Variants in BAD observed in about 807,000 individuals in gnomAD.
BAD encodes BCL2 associated agonist of cell death, also known as bcl2-associated agonist of cell death.
In BAD, 18 loss-of-function variants were observed where a neutral mutation model predicts 17.8. That is an observed-to-expected ratio of 1.01 (90% CI 0.70 to 1.50). The LOEUF (loss-of-function observed/expected upper bound fraction) is 1.50. Among genes scored for constraint, BAD ranks in the 40% most tolerant of loss-of-function variants. BAD has a pLI of 0.00. For missense variants in BAD, 294 were observed against 239.3 expected (o/e 1.23, Z -1.51); for synonymous variants, 112 against 91.5 (o/e 1.22, Z -1.28).
In BAD at chr11:64,284,640, G is replaced by A. The variant is rs966478908; in HGVS notation, c.-18C>T. 6.5e-7 allele frequency: 1 copy of A among 1,530,254 alleles called. No individual in the cohort carries two copies. The highest frequency in any genetic ancestry group is 2.4e-5 in the East Asian group (1 of 40,862). 94.8% of individuals were successfully genotyped at this position (1,530,254 alleles called of 1,614,324 possible). A position where few individuals can be genotyped will look rare whatever the true frequency, so the allele number is the denominator to read the frequency against. On this transcript the variant is annotated 5_prime_UTR_variant, in exon 1 of 4. Coordinates refer to ENST00000309032, the MANE Select transcript of BAD (RefSeq NM_032989.3). ...GGCGCACAGGTCTCACCCCAAGCCC[G>A]ATCTCGAGGCCCCTGACCCGGGCCT... is the stretch of plus-strand genomic sequence containing the variant.
chr11:64,276,685 G>C (rs1233660069), intron 2 of BAD: 1 of 536,268 alleles, frequency 1.9e-6, no homozygotes, highest in Non-Finnish European at 3.3e-6. Context: ...GGGAGTGTCT[G>C]TGAATTCCCT....
rs778042869 is a variant in BAD, at chr11:64,270,279, C to G, written c.437G>C (p.Ser146Thr). 1.3e-6 allele frequency: 2 copies of G among 1,589,414 alleles called. No homozygotes were observed. The highest frequency in any genetic ancestry group is 8.6e-7 in the Non-Finnish European group (1 of 1,162,860). Residue 146 changes from serine to threonine, a missense_variant, in exon 4 of 4, where the codon AGC (serine) becomes ACC (threonine). By Grantham distance (58) the Ser-to-Thr change is moderately conservative (BLOSUM62 1). Transcript: ENST00000309032. Reference sequence around the variant, plus strand: ...CCAGGACTGGAAGACTCGCGTCCAGCTGGAGCTTTGCCGCATCTGCGTTGC... The same window carrying G: ...CCAGGACTGGAAGACTCGCGTCCAGGTGGAGCTTTGCCGCATCTGCGTTGC... The part of the protein sequence containing the change: ...GTATQMRQSS[S>T]WTRVFQSWWD...
intron 3 of BAD, 30 bp downstream of exon 3, chr11:64,271,583 G>A (rs1451519387): frequency 2.1e-5 from 30 of 1,397,764 alleles, no homozygotes; most frequent in Non-Finnish European, 2.6e-5. Flanking sequence ...TGGTACTTCA[G>A]GTCCTGGCAC....
intron 3 of BAD, chr11:64,270,571 G>A (rs2032430968): frequency 1.4e-6 from 1 of 709,744 alleles, no homozygotes. Flanking sequence ...AAGAGAGGAT[G>A]CCTAGGGCCC....
chr11:64,280,358 AT>A (rs1168306795), intron 2 of BAD, among the ~76,000 whole-genome samples: 251 of 132,314 alleles, frequency 1.9e-3, no homozygotes, highest in African/African-American at 6.7e-3. Context: ...AATAATAATA[AT>A]TTTTTTTTTT....
chr11:64,273,418 G>C (rs917940978), intron 2 of BAD, among the ~76,000 whole-genome samples: 2 of 152,082 alleles, frequency 1.3e-5, no homozygotes, highest in Non-Finnish European at 2.9e-5. Flanking sequence ...TGCTTTGTAG[G>C]CTGCAAGTGC....
rs777661113 is a variant in BAD, at chr11:64,284,164, A to G, written c.187+18T>C. 1.3e-6 allele frequency: 2 copies of G among 1,555,740 alleles called. No individual in the cohort carries two copies. Among genetic ancestry groups the G allele is most frequent in the Non-Finnish European group, 1.7e-6 (2 of 1,151,156 alleles). The stretch of plus-strand genomic sequence containing the variant: ...GGGGGTGAGGTGTCCCGGCAGGTGG[A>G]GGTGGTGGGGTACTTACCTCCATGA... On this transcript the variant is annotated intron_variant, in intron 2 of 3. Transcript: ENST00000309032.
chr11:64,270,047 G>A lies in BAD; in HGVS notation c.*162C>T, dbSNP rs1251374729. Reference sequence around the variant, plus strand: ...CTTCCGATGGGACCAAGCCTTCCGTGGCTTCACACGCACCGGAAGGGAATC... The same window carrying A: ...CTTCCGATGGGACCAAGCCTTCCGTAGCTTCACACGCACCGGAAGGGAATC... On this transcript the variant is annotated 3_prime_UTR_variant, in exon 4 of 4. Coordinates refer to ENST00000309032, the MANE Select transcript of BAD (RefSeq NM_032989.3). 10 of 1,302,290 alleles carry A rather than the reference G, an allele frequency of 7.7e-6. No homozygotes were observed. In the East Asian group the frequency reaches 2.5e-4, roughly 33 times the overall value. The allele number at this position is 1,302,290 out of a possible 1,614,324, so 80.7% of individuals were successfully genotyped here.
At chr11:64,284,476 G>T in intron 1 of BAD, 100 bp from the exon 2 acceptor site, 6 of 1,590,142 alleles carry the variant, frequency 3.8e-6, no homozygotes, top group Non-Finnish European at 5.1e-6. Context: ...CCACCGTAGC[G>T]CCCCCAGGCC....
At chr11:64,275,083 C>T (rs2032960367) in intron 2 of BAD, among the ~76,000 whole-genome samples, 1 of 150,734 alleles carries the variant, frequency 6.6e-6, no homozygotes, top group Non-Finnish European at 1.5e-5. Flanking sequence ...ATCAGAGTGC[C>T]TGGGCATTCT....
Position 64,270,062 on chromosome 11 carries a change from G to C in BAD, c.*147C>G. 1.4e-6 allele frequency: 2 copies of C among 1,394,966 alleles called. No individual in the cohort carries two copies. Among genetic ancestry groups the C allele is most frequent in the East Asian group, 5.0e-5 (2 of 40,114 alleles). 86.4% of individuals were successfully genotyped at this position (1,394,966 alleles called of 1,614,324 possible). On this transcript the variant is annotated 3_prime_UTR_variant, in exon 4 of 4. Transcript: ENST00000309032. ...AGCCTTCCGTGGCTTCACACGCACC[G>C]GAAGGGAATCTGGGTCAGCCCTCCC... is the stretch of plus-strand genomic sequence containing the variant.
chr11:64,277,402 A>T (rs1011744232), intron 2 of BAD, among the ~76,000 whole-genome samples: 2 of 152,186 alleles, frequency 1.3e-5, no homozygotes, highest in Non-Finnish European at 2.9e-5. Context: ...GAGCTCATAA[A>T]ATCAGAAAGT....
intron 2 of BAD, among the ~76,000 whole-genome samples, chr11:64,278,137 T>TA (rs990579758): frequency 6.6e-6 from 1 of 151,856 alleles, no homozygotes; most frequent in Non-Finnish European, 1.5e-5. Context: ...AAAATTAAAA[T>TA]AAAAAAATTA....
chr11:64,280,092 C>T (rs1369919224), intron 2 of BAD, among the ~76,000 whole-genome samples: 4 of 151,284 alleles, frequency 2.6e-5, no homozygotes, highest in African/African-American at 7.3e-5. Context: ...CCAAGGCGGG[C>T]GGATCACAAG....
rs1388075044 is a variant in BAD, at chr11:64,269,931, G to A, written c.*278C>T. The A allele has an allele frequency of 2.8e-6, 2 of 711,694 alleles. No homozygotes were observed. The highest frequency in any genetic ancestry group is 3.5e-5 in the African/African-American group (2 of 57,308). 44.1% of individuals were successfully genotyped at this position (711,694 alleles called of 1,614,324 possible). A position where few individuals can be genotyped will look rare whatever the true frequency, so the allele number is the denominator to read the frequency against. The stretch of plus-strand genomic sequence containing the variant: ...GTGACGCAACGGTTAAACCTGGCTC[G>A]CGACTTAGCGCAGGCGCCTGGGGGA... On this transcript the variant is annotated 3_prime_UTR_variant, in exon 4 of 4. Coordinates refer to ENST00000309032, the MANE Select transcript of BAD (RefSeq NM_032989.3).
At chr11:64,281,823 C>T (rs1163648829) in intron 2 of BAD, among the ~76,000 whole-genome samples, 2 of 152,180 alleles carry the variant, frequency 1.3e-5, no homozygotes, top group Non-Finnish European at 2.9e-5. Context: ...CGGGTTCAAG[C>T]GATTCTCCTG....
intron 2 of BAD, among the ~76,000 whole-genome samples, chr11:64,274,021 T>C (rs1266000757): frequency 6.6e-6 from 1 of 152,176 alleles, no homozygotes; most frequent in East Asian, 1.9e-4. Flanking sequence ...TCAGAGGACC[T>C]GAGGACCTGG....
At chr11:64,281,953 T>C (rs1161080812) in intron 2 of BAD, among the ~76,000 whole-genome samples, 2 of 152,198 alleles carry the variant, frequency 1.3e-5, no homozygotes, top group Non-Finnish European at 2.9e-5. Flanking sequence ...TCTCTTCACC[T>C]TGTGATACGC....
At chr11:64,272,035 G>C (rs1406783984) in intron 2 of BAD, among the ~76,000 whole-genome samples, 2 of 152,220 alleles carry the variant, frequency 1.3e-5, no homozygotes, top group Admixed American at 1.3e-4. Flanking sequence ...TCCTTACCGA[G>C]TGCCAATAAT....
Sources: gnomAD v4.1 joint callset for allele counts (sites outside exome capture counted in the v4.1 genomes callset) on GRCh38, gnomAD v4.1.1 for gene constraint, MANE v1.5 for transcripts, NCBI Gene and HGNC (gene_info 2026-07-23, HGNC 2026-07-21) for gene names.